Variants in DTD1 observed in about 807,000 individuals in gnomAD.
The protein encoded by DTD1 is D-aminoacyl-tRNA deacylase 1.
DTD1 carries 13 observed loss-of-function variants against 25.6 expected under a neutral mutation model. That is an observed-to-expected ratio of 0.51 (90% CI 0.33 to 0.81). The LOEUF (loss-of-function observed/expected upper bound fraction) is 0.81, where lower values mean the gene tolerates loss of function less well. Among genes scored for constraint, DTD1 ranks in the 30% least tolerant of loss-of-function variants. The probability of loss-of-function intolerance (pLI) is 0.02; values close to 1 mark genes in which losing one functional copy is unlikely to be tolerated. For missense variants in DTD1, 193 were observed against 266.4 expected, an observed-to-expected ratio of 0.72 and a Z score of 1.92; for synonymous variants, 110 against 103.6, an observed-to-expected ratio of 1.06 and a Z score of -0.37.
chr20:18,748,846 T>C (rs1325435394), intron 5 of DTD1, among the ~76,000 whole-genome samples: 1 of 152,196 alleles, frequency 6.6e-6, no homozygotes, highest in East Asian at 1.9e-4. Context: ...TCAGTGGTGC[T>C]ATTGTGAATC....
chr20:18,600,204 T>G (rs979494170), intron 3 of DTD1, among the ~76,000 whole-genome samples: 2 of 152,236 alleles, frequency 1.3e-5, no homozygotes, highest in Non-Finnish European at 2.9e-5. Context: ...TCTAGATTTT[T>G]TCCTGTTATC....
At chr20:18,722,782 G>A (rs2061209342) in intron 4 of DTD1, among the ~76,000 whole-genome samples, 1 of 152,146 alleles carries the variant, frequency 6.6e-6, no homozygotes, top group African/African-American at 2.4e-5. Context: ...GTGTAGAAGT[G>A]CCAGGTAAAT....
chr20:18,707,483 G>C (rs908383672), intron 4 of DTD1, among the ~76,000 whole-genome samples: 2 of 152,268 alleles, frequency 1.3e-5, no homozygotes, highest in Middle Eastern at 3.4e-3. Flanking sequence ...GGTGGTGGGT[G>C]TCTTGGAAAT....
At chr20:18,724,746 C>T (rs188667364) in intron 4 of DTD1, among the ~76,000 whole-genome samples, 5 of 152,176 alleles carry the variant, frequency 3.3e-5, no homozygotes, top group Admixed American at 6.5e-5. Flanking sequence ...GCCTTCCCTC[C>T]CCTGGAAAGA....
At chr20:18,689,251 G>A (rs1474888597) in intron 4 of DTD1, among the ~76,000 whole-genome samples, 1 of 152,130 alleles carries the variant, frequency 6.6e-6, no homozygotes, top group African/African-American at 2.4e-5. Flanking sequence ...ACAGTTGAGA[G>A]GTGAAGAATG....
intron 4 of DTD1, among the ~76,000 whole-genome samples, chr20:18,743,142 G>A (rs2061285113): frequency 1.3e-5 from 2 of 152,186 alleles, no homozygotes; most frequent in Non-Finnish European, 2.9e-5. Flanking sequence ...TTTCTTTGAA[G>A]AACTATTCAG....
At chr20:18,630,448 C>G (rs1355216383) in intron 4 of DTD1, 5 of 152,140 alleles carry the variant, frequency 3.3e-5, no homozygotes, top group African/African-American at 1.2e-4. Context: ...CAAGCTCCAC[C>G]TCCCGGGTTC....
In DTD1 at chr20:18,764,744, A is replaced by C. The variant is rs2061374879; in HGVS notation, c.*1404A>C. On this transcript the variant is annotated 3_prime_UTR_variant, in exon 6 of 6. Coordinates refer to ENST00000377452, the MANE Select transcript of DTD1 (RefSeq NM_080820.6). Reference sequence around the variant, plus strand: ...AAACCTCTAGATTTGAAGTCATTACATCCCAGATGCAGACCCTGGCCAGCT... The same window carrying C: ...AAACCTCTAGATTTGAAGTCATTACCTCCCAGATGCAGACCCTGGCCAGCT... 2.0e-5 allele frequency: 3 copies of C among 152,258 alleles called. No homozygotes were observed. Among genetic ancestry groups the C allele is most frequent in the Admixed American group, 2.0e-4 (3 of 15,284 alleles). The allele number at this position is 152,258 out of a possible 1,614,324, so 9.4% of individuals were successfully genotyped here.
chr20:18,666,347 G>A (rs1289186412), intron 4 of DTD1, among the ~76,000 whole-genome samples: 1 of 152,166 alleles, frequency 6.6e-6, no homozygotes, highest in East Asian at 1.9e-4. Context: ...CCATTGTAAA[G>A]CTACTATTTT....
At chr20:18,729,537 A>C (rs2122503303) in intron 4 of DTD1, among the ~76,000 whole-genome samples, 1 of 152,380 alleles carries the variant, frequency 6.6e-6, no homozygotes, top group South Asian at 2.1e-4. Flanking sequence ...GGAGAATTGT[A>C]CATTTGTGAT....
chr20:18,635,629 T>G (rs950779784), intron 4 of DTD1, among the ~76,000 whole-genome samples: 1 of 152,230 alleles, frequency 6.6e-6, no homozygotes, highest in Non-Finnish European at 1.5e-5. Context: ...GCCTGCCTAT[T>G]GCATGAATAT....
At chr20:18,667,439 C>T (rs1034509445) in intron 4 of DTD1, among the ~76,000 whole-genome samples, 1 of 152,158 alleles carries the variant, frequency 6.6e-6, no homozygotes, top group Non-Finnish European at 1.5e-5. Context: ...CGCTGATGGG[C>T]CAGGCAGAGA....
chr20:18,752,701 T>C (rs1245648936), intron 5 of DTD1, among the ~76,000 whole-genome samples: 2 of 152,240 alleles, frequency 1.3e-5, no homozygotes, highest in African/African-American at 2.4e-5. Context: ...GGGGATCTTT[T>C]TGGGTCCGCT....
intron 4 of DTD1, among the ~76,000 whole-genome samples, chr20:18,665,528 G>A (rs997550788): frequency 3.3e-5 from 5 of 152,136 alleles, no homozygotes; most frequent in African/African-American, 7.2e-5. Flanking sequence ...GAAGAGTGTG[G>A]GTTACTCAAC....
intron 4 of DTD1, among the ~76,000 whole-genome samples, chr20:18,709,063 T>C (rs2061147782): frequency 6.6e-6 from 1 of 152,222 alleles, no homozygotes; most frequent in Non-Finnish European, 1.5e-5. Flanking sequence ...TGCTTGCTGT[T>C]AGACTAGTTC....
At chr20:18,721,848 C>A (rs999707089) in intron 4 of DTD1, among the ~76,000 whole-genome samples, 1 of 146,066 alleles carries the variant, frequency 6.8e-6, no homozygotes, top group African/African-American at 2.5e-5. Flanking sequence ...CAGTGGCATT[C>A]CTCCTTCAGC....
At chr20:18,629,073 C>T (rs181425283) in intron 4 of DTD1, among the ~76,000 whole-genome samples, 142 of 149,956 alleles carry the variant, frequency 9.5e-4, no homozygotes, top group African/African-American at 2.8e-3. Context: ...CTTGGCTCAC[C>T]GCAACCTCCG....
intron 4 of DTD1, among the ~76,000 whole-genome samples, chr20:18,723,822 G>T (rs1161958531): frequency 6.6e-6 from 1 of 152,204 alleles, no homozygotes; most frequent in Non-Finnish European, 1.5e-5. Flanking sequence ...GGTATCAAAA[G>T]ATAAACTGGC....
At chr20:18,606,057 C>T (rs2060655768) in intron 3 of DTD1, among the ~76,000 whole-genome samples, 2 of 128,756 alleles carry the variant, frequency 1.6e-5, no homozygotes, top group South Asian at 5.0e-4. Flanking sequence ...CCAGAATCTA[C>T]AATGAACTCA....
Sources: gnomAD v4.1 joint callset for allele counts (sites outside exome capture counted in the v4.1 genomes callset) on GRCh38, gnomAD v4.1.1 for gene constraint, MANE v1.5 for transcripts, NCBI Gene and HGNC (gene_info 2026-07-23, HGNC 2026-07-21) for gene names.